The following PDE1A variants were observed in gnomAD, a reference collection of about 807,000 sequenced individuals.
PDE1A encodes phosphodiesterase 1A, also known as dual specificity calcium/calmodulin-dependent 3',5'-cyclic nucleotide phosphodiesterase 1A.
A neutral mutation model predicts 61.7 loss-of-function variants in PDE1A; 35 were observed. The ratio of observed to expected loss-of-function variants is 0.57; its 90% CI spans 0.43 to 0.75. PDE1A has a LOEUF of 0.75. Ranked by LOEUF, PDE1A falls within the 30% of genes least tolerant of loss-of-function variation. PDE1A has a pLI of 0.00. For missense variants in PDE1A, 597 were observed against 630.6 expected (o/e 0.95, Z 0.57); for synonymous variants, 232 against 213.2 (o/e 1.09, Z -0.77).
chr2:182,253,879 A>G (rs1691583808), intron 2 of PDE1A, among the ~76,000 whole-genome samples: 1 of 152,202 alleles, frequency 6.6e-6, no homozygotes, highest in Non-Finnish European at 1.5e-5. Context: ...TTTTAACTTT[A>G]TAGTAGAAAG....
At chr2:182,709,856 A>C in the PDE1A span, among the ~76,000 whole-genome samples, 2 of 152,186 alleles carry the variant, frequency 1.3e-5, no homozygotes, top group African/African-American at 4.8e-5. Context: ...ATCATGACCA[A>C]TTTATCACCA....
At chr2:182,601,168 G>A in the PDE1A span, among the ~76,000 whole-genome samples, 3 of 152,318 alleles carry the variant, frequency 2.0e-5, no homozygotes, top group South Asian at 6.2e-4. Context: ...TCTGCCAAGG[G>A]TGAGCCAGGC....
At chr2:182,200,925 G>A (rs1176410750) in intron 10 of PDE1A, among the ~76,000 whole-genome samples, 2 of 152,192 alleles carry the variant, frequency 1.3e-5, no homozygotes, top group African/African-American at 4.8e-5. Flanking sequence ...ATGTGTACTT[G>A]TGGCAGAGAA....
chr2:182,385,272 AC>A (rs1225271518), intron 1 of PDE1A, among the ~76,000 whole-genome samples: 1 of 152,214 alleles, frequency 6.6e-6, no homozygotes, highest in African/African-American at 2.4e-5. Flanking sequence ...ATACTCTAAT[AC>A]TATAGTGGTG....
chr2:182,257,921 A>ACTT (rs1429946324), intron 2 of PDE1A, among the ~76,000 whole-genome samples: 1 of 152,182 alleles, frequency 6.6e-6, no homozygotes, highest in Non-Finnish European at 1.5e-5. Flanking sequence ...TAATCCCAGC[A>ACTT]CTTTGGGGGG....
At chr2:182,214,662 CAAAG>C (rs956989360) in intron 7 of PDE1A, among the ~76,000 whole-genome samples, 3 of 146,576 alleles carry the variant, frequency 2.0e-5, no homozygotes, top group African/African-American at 7.7e-5. Context: ...TCAAAAGAGA[CAAAG>C]AAGGCCATTA....
chr2:182,528,660 C>G, the PDE1A span, among the ~76,000 whole-genome samples: 1 of 152,252 alleles, frequency 6.6e-6, no homozygotes, highest in East Asian at 1.9e-4. Flanking sequence ...GCAGCCCCTC[C>G]CATCACAAGC....
intron 1 of PDE1A, among the ~76,000 whole-genome samples, chr2:182,300,766 G>A (rs1020026186): frequency 2.6e-5 from 4 of 152,140 alleles, no homozygotes; most frequent in Non-Finnish European, 5.9e-5. Context: ...AGAATTACAC[G>A]TCTAGTAGGA....
chr2:182,616,363 G>C, the PDE1A span, among the ~76,000 whole-genome samples: 19 of 152,354 alleles, frequency 1.2e-4, no homozygotes, highest in African/African-American at 3.6e-4. Context: ...GAAGGTGAGA[G>C]GCAAAGGCCA....
chr2:182,380,044 T>G (rs1700634836), intron 1 of PDE1A, among the ~76,000 whole-genome samples: 1 of 152,092 alleles, frequency 6.6e-6, no homozygotes, highest in South Asian at 2.1e-4. Flanking sequence ...CTCTCTACAT[T>G]TACCTATTTT....
At chr2:182,652,843 T>G in the PDE1A span, among the ~76,000 whole-genome samples, 1 of 152,228 alleles carries the variant, frequency 6.6e-6, no homozygotes, top group East Asian at 1.9e-4. Flanking sequence ...TCAGTCCCTC[T>G]TTTGCTGATA....
intron 2 of PDE1A, among the ~76,000 whole-genome samples, chr2:182,443,692 CTTTTTTCCTTTTTTT>C (rs1463321527): frequency 7.0e-6 from 1 of 143,730 alleles, no homozygotes; most frequent in African/African-American, 2.6e-5. Flanking sequence ...CTTTTATTTT[CTTTTTTCCTTTTTTT>C]TTTTTTTTTT....
At chr2:182,562,195 G>C in the PDE1A span, among the ~76,000 whole-genome samples, 1 of 152,020 alleles carries the variant, frequency 6.6e-6, no homozygotes, top group African/African-American at 2.4e-5. Flanking sequence ...CTGTGGGTTT[G>C]TCAGATAGCT....
chr2:182,258,545 G>A (rs1411285148), intron 2 of PDE1A, among the ~76,000 whole-genome samples: 3 of 152,168 alleles, frequency 2.0e-5, no homozygotes, highest in African/African-American at 7.2e-5. Flanking sequence ...TAAAAATTCT[G>A]AGACCCTTGA....
chr2:182,692,146 C>G, the PDE1A span, among the ~76,000 whole-genome samples: 2 of 152,130 alleles, frequency 1.3e-5, no homozygotes, highest in Non-Finnish European at 2.9e-5. Flanking sequence ...ACTAGACATA[C>G]AATGTGACCC....
the PDE1A span, among the ~76,000 whole-genome samples, chr2:182,687,438 T>A: frequency 3.3e-5 from 5 of 152,290 alleles, 1 homozygote; most frequent in African/African-American, 1.2e-4. Flanking sequence ...GGAGTGGACC[T>A]CCAGCAAACT....
chr2:182,179,572 A>G (rs1231501560), intron 13 of PDE1A, among the ~76,000 whole-genome samples: 2 of 152,138 alleles, frequency 1.3e-5, no homozygotes, highest in Non-Finnish European at 2.9e-5. Context: ...CATAGAGAGA[A>G]TTCCAAGGGC....
chr2:182,217,506 C>T (rs1292427599), intron 7 of PDE1A, among the ~76,000 whole-genome samples: 52 of 134,234 alleles, frequency 3.9e-4, no homozygotes, highest in Non-Finnish European at 6.1e-4. Flanking sequence ...AGAAAATTTT[C>T]GCAACCTACT....
At chr2:182,175,009 CCT>C (rs935357095) in intron 13 of PDE1A, among the ~76,000 whole-genome samples, 2 of 152,096 alleles carry the variant, frequency 1.3e-5, no homozygotes, top group Non-Finnish European at 2.9e-5. Context: ...GTTTTCTGTT[CCT>C]GTGTTAGTTT....
Sources: gnomAD v4.1 joint callset for allele counts (sites outside exome capture counted in the v4.1 genomes callset) on GRCh38, gnomAD v4.1.1 for gene constraint, MANE v1.5 for transcripts, NCBI Gene and HGNC (gene_info 2026-07-23, HGNC 2026-07-21) for gene names.